Variants in ALK observed in about 807,000 individuals in gnomAD.
The protein encoded by ALK is ALK tyrosine kinase receptor.
ALK carries 74 observed loss-of-function variants against 163.1 expected under a neutral mutation model. The ratio of observed to expected loss-of-function variants is 0.45; its 90% CI spans 0.38 to 0.55. ALK has a LOEUF of 0.55. ALK is among the 20% of genes least tolerant of loss of function. ALK has a pLI of 0.00. For missense variants in ALK, 2,063 were observed against 2,105.3 expected, an observed-to-expected ratio of 0.98 and a Z score of 0.39; for synonymous variants, 960 against 843.2, an observed-to-expected ratio of 1.14 and a Z score of -2.40.
At chr2:29,293,018 A>G (rs1202025763) in intron 9 of ALK, among the ~76,000 whole-genome samples, 2 of 152,228 alleles carry the variant, frequency 1.3e-5, no homozygotes, top group Non-Finnish European at 2.9e-5. Flanking sequence ...TTTCTTATGA[A>G]GTGATTCCAA....
chr2:29,298,568 T>C (rs1666270778), intron 8 of ALK, among the ~76,000 whole-genome samples: 1 of 152,194 alleles, frequency 6.6e-6, no homozygotes, highest in South Asian at 2.1e-4. Context: ...GTTCATTCTC[T>C]CTTGATTTCC....
At chr2:29,594,872 C>T (rs1675163063) in intron 3 of ALK, among the ~76,000 whole-genome samples, 1 of 112,388 alleles carries the variant, frequency 8.9e-6, no homozygotes, top group Non-Finnish European at 1.6e-5. Flanking sequence ...GAAGCTGAGA[C>T]CTCTATTTTT....
chr2:29,810,284 T>G (rs1466063478), intron 1 of ALK, among the ~76,000 whole-genome samples: 1 of 151,792 alleles, frequency 6.6e-6, no homozygotes, highest in Non-Finnish European at 1.5e-5. Flanking sequence ...CAGCCGAGTG[T>G]GGTGGTGGTT....
At chr2:29,223,673 A>G (rs2148171624) in intron 19 of ALK, 145 bp from the exon 20 acceptor site, 1 of 699,874 alleles carries the variant, frequency 1.4e-6, no homozygotes, top group South Asian at 1.7e-5. Flanking sequence ...AAATACTAAT[A>G]AAATGATTAA....
chr2:29,584,175 A>G (rs1240041387), intron 3 of ALK, among the ~76,000 whole-genome samples: 1 of 152,156 alleles, frequency 6.6e-6, no homozygotes, highest in Non-Finnish European at 1.5e-5. Context: ...ACCCTAGGAA[A>G]CATCTTTGAG....
chr2:29,220,138 AC>A (rs1385277304), intron 23 of ALK, among the ~76,000 whole-genome samples: 2 of 152,296 alleles, frequency 1.3e-5, no homozygotes, highest in East Asian at 3.9e-4. Context: ...CCCAAATCTT[AC>A]GTTGAATTGT....
At chr2:29,683,533 G>A (rs967604512) in intron 3 of ALK, among the ~76,000 whole-genome samples, 1 of 152,130 alleles carries the variant, frequency 6.6e-6, no homozygotes, top group East Asian at 1.9e-4. Context: ...CAGGTTAAAG[G>A]TCCTCACCAA....
chr2:29,425,398 C>T (rs1670112568), intron 4 of ALK, among the ~76,000 whole-genome samples: 1 of 152,142 alleles, frequency 6.6e-6, no homozygotes. Flanking sequence ...TCCCCAGCTA[C>T]ACAAGGCAGA....
At chr2:29,639,856 A>G (rs1676649616) in intron 3 of ALK, among the ~76,000 whole-genome samples, 1 of 152,208 alleles carries the variant, frequency 6.6e-6, no homozygotes, top group Non-Finnish European at 1.5e-5. Context: ...CTTCGACAAC[A>G]TCCTATGAAA....
chr2:29,392,242 C>A (rs1028813121), intron 4 of ALK, among the ~76,000 whole-genome samples: 2 of 152,174 alleles, frequency 1.3e-5, no homozygotes, highest in Non-Finnish European at 2.9e-5. Context: ...TCATCATCCT[C>A]ATTTTATAAG....
intron 4 of ALK, among the ~76,000 whole-genome samples, chr2:29,392,232 T>A (rs1558304574): frequency 6.6e-6 from 1 of 152,174 alleles, no homozygotes; most frequent in Non-Finnish European, 1.5e-5. Context: ...ATGAAACATA[T>A]CATCATCCTC....
intron 8 of ALK, among the ~76,000 whole-genome samples, chr2:29,307,582 G>A (rs943543533): frequency 3.9e-5 from 6 of 152,150 alleles, no homozygotes; most frequent in African/African-American, 1.2e-4. Flanking sequence ...GTGTGAACCG[G>A]TAATTTTGAC....
chr2:29,846,526 T>C (rs1055120568), intron 1 of ALK, among the ~76,000 whole-genome samples: 5 of 152,160 alleles, frequency 3.3e-5, no homozygotes, highest in African/African-American at 9.7e-5. Context: ...ATTTCTTGAG[T>C]GAATGAATGC....
chr2:29,614,773 C>T (rs1289195146), intron 3 of ALK, among the ~76,000 whole-genome samples: 2 of 152,050 alleles, frequency 1.3e-5, no homozygotes, highest in Non-Finnish European at 2.9e-5. Flanking sequence ...GGCCAGAATC[C>T]CCCCATCCCT....
intron 1 of ALK, among the ~76,000 whole-genome samples, chr2:29,849,907 C>CT (rs557237286): frequency 1.2e-3 from 186 of 152,176 alleles, no homozygotes; most frequent in African/African-American, 4.4e-3. Context: ...ATTTAGTATT[C>CT]TTTTTTTATT....
intron 3 of ALK, among the ~76,000 whole-genome samples, chr2:29,601,614 G>C (rs1167878324): frequency 1.3e-5 from 2 of 152,084 alleles, no homozygotes; most frequent in African/African-American, 4.8e-5. Flanking sequence ...CAGAATTATG[G>C]TGCTCACTCA....
chr2:29,549,993 T>C (rs1396462096), intron 3 of ALK, among the ~76,000 whole-genome samples: 5 of 151,212 alleles, frequency 3.3e-5, no homozygotes, highest in African/African-American at 1.2e-4. Flanking sequence ...GTGCTTCAAT[T>C]ACTATTACAA....
chr2:29,608,621 ACT>A (rs1203080457), intron 3 of ALK, among the ~76,000 whole-genome samples: 3 of 152,178 alleles, frequency 2.0e-5, no homozygotes, highest in Non-Finnish European at 4.4e-5. Context: ...TTCAGTGAAG[ACT>A]GACTTTGAAT....
chr2:29,819,356 G>A (rs1397422959), intron 1 of ALK, among the ~76,000 whole-genome samples: 3 of 152,178 alleles, frequency 2.0e-5, no homozygotes, highest in Non-Finnish European at 4.4e-5. Context: ...CATGGAATAC[G>A]TTACACAGCT....
Sources: gnomAD v4.1 joint callset for allele counts (sites outside exome capture counted in the v4.1 genomes callset) on GRCh38, gnomAD v4.1.1 for gene constraint, MANE v1.5 for transcripts, NCBI Gene and HGNC (gene_info 2026-07-23, HGNC 2026-07-21) for gene names.